The following MKRN2OS variants were observed in gnomAD, a reference collection of about 807,000 sequenced individuals.
MKRN2OS encodes the protein MKRN2 opposite strand protein.
Under a neutral mutation model 18.2 loss-of-function variants are expected in MKRN2OS, and 17 were observed. The ratio of observed to expected loss-of-function variants is 0.93; its 90% CI spans 0.64 to 1.40. The LOEUF is 1.40. Among genes scored for constraint, MKRN2OS ranks in the 40% most tolerant of loss-of-function variants. The probability of loss-of-function intolerance (pLI) is 0.00; values close to 1 mark genes in which losing one functional copy is unlikely to be tolerated. For synonymous variants in MKRN2OS, 121 were observed against 108.5 expected (o/e 1.12, Z -0.72); for missense variants, 337 against 283.0 (o/e 1.19, Z -1.37).
intron 1 of MKRN2OS, chr3:12,557,155 G>A (rs2057981655): frequency 1.3e-6 from 2 of 1,534,630 alleles, no homozygotes; most frequent in East Asian, 5.1e-5. Context: ...GCCACCATGA[G>A]CACCAAGCAG....
Position 12,543,177 on chromosome 3 carries a change from T to TA in MKRN2OS, c.268+2dup, listed in dbSNP as rs1575503530. 1.3e-6 allele frequency: 2 copies of TA among 1,535,562 alleles called. No homozygotes were observed. Among genetic ancestry groups the TA allele is most frequent in the Non-Finnish European group, 1.7e-6 (2 of 1,146,450 alleles). On this transcript the variant is annotated splice_region_variant and intron_variant, in intron 2 of 3. Coordinates refer to ENST00000564146, the MANE Select transcript of MKRN2OS (RefSeq NM_001195279.2). ...GTTTTTTAAGCTACAAAACTGCACT[T>TA]ACCATTTGTGTTAGTTATTCCAACA...
At chr3:12,559,105 T>C (rs2058012166) in intron 1 of MKRN2OS, among the ~76,000 whole-genome samples, 1 of 152,192 alleles carries the variant, frequency 6.6e-6, no homozygotes, top group African/African-American at 2.4e-5. Flanking sequence ...AGGAAACTCA[T>C]ACAAGGATAT....
At chr3:12,542,466 C>T (rs2057827722) in intron 2 of MKRN2OS, among the ~76,000 whole-genome samples, 1 of 152,160 alleles carries the variant, frequency 6.6e-6, no homozygotes, top group East Asian at 1.9e-4. Context: ...CAGAACTGTT[C>T]TGGGTTTCTG....
chr3:12,552,315 C>CA (rs561991598), downstream of MKRN2OS, among the ~76,000 whole-genome samples: 11,285 of 138,820 alleles, frequency 0.081, 476 homozygotes, highest in Non-Finnish European at 0.094. Flanking sequence ...AAGACCATCT[C>CA]AAAAAAAAAA....
chr3:12,540,442 GGA>G lies in MKRN2OS; in HGVS notation c.432-11_432-10del. 1 of 1,536,014 alleles carries G rather than the reference GGA, an allele frequency of 6.5e-7. No homozygotes were observed. The highest frequency in any genetic ancestry group is 8.7e-7 in the Non-Finnish European group (1 of 1,146,814). On this transcript the variant is annotated splice_polypyrimidine_tract_variant and intron_variant, in intron 3 of 3. Transcript: ENST00000564146. The stretch of plus-strand genomic sequence containing the variant: ...GGTGGTTGTCTTCATACCTTATGGA[GGA>G]GAATAAGGGTGTTGAGAAGAAAAGG...
At chr3:12,557,613 T>C (rs966875361) in intron 1 of MKRN2OS, among the ~76,000 whole-genome samples, 1 of 152,260 alleles carries the variant, frequency 6.6e-6, no homozygotes, top group Admixed American at 6.5e-5. Flanking sequence ...GCCTCAAAGT[T>C]TGGAGAATCC....
chr3:12,540,992 G>A (rs2057799748), intron 3 of MKRN2OS, among the ~76,000 whole-genome samples: 1 of 151,174 alleles, frequency 6.6e-6, no homozygotes, highest in Non-Finnish European at 1.5e-5. Flanking sequence ...TTACTCAGTT[G>A]CAAGTTAACT....
chr3:12,541,853 C>T lies in MKRN2OS; in HGVS notation c.431+7G>A, dbSNP rs2057818712. ...TCAGCGAGGGGGCAGCATTTGCAGTCGTGTACCTGTGAGGCAGCCAGGCCC... is the reference window on the plus strand; with the variant it reads ...TCAGCGAGGGGGCAGCATTTGCAGTTGTGTACCTGTGAGGCAGCCAGGCCC... On this transcript the variant is annotated splice_region_variant and intron_variant, in intron 3 of 3. Coordinates refer to ENST00000564146, the MANE Select transcript of MKRN2OS (RefSeq NM_001195279.2). 5.2e-6 allele frequency: 8 copies of T among 1,534,360 alleles called. No homozygotes were observed. The South Asian group carries it at 7.2e-5, about 14-fold the overall frequency.
At chr3:12,552,047 C>T (rs112961228), downstream of MKRN2OS, among the ~76,000 whole-genome samples, 41 of 151,226 alleles carry the variant, frequency 2.7e-4, no homozygotes, top group African/African-American at 9.5e-4. Context: ...AGGCTGGGCA[C>T]GGTGGCTCAC....
At position 12,540,325 on chromosome 3, in the gene MKRN2OS, C is replaced by T; in HGVS notation, c.540G>A (p.Lys180=). Residue 180 remains lysine, a synonymous_variant, in exon 4 of 4, where the codon AAG becomes AAA. Transcript: ENST00000564146. ...CCAGCCTTGTCCGCGGGACCACGTA[C>T]TTCTCCGTAAATTCACCCTTGTCCA... The part of the protein sequence containing the change: ...QQLDKGEFTE[K]YVVPRTRLAS... 1 of 1,536,148 alleles carries T rather than the reference C, an allele frequency of 6.5e-7. No homozygotes were observed. Among genetic ancestry groups the T allele is most frequent in the Non-Finnish European group, 8.7e-7 (1 of 1,146,916 alleles).
At chr3:12,558,535 A>G (rs1335804717) in intron 1 of MKRN2OS, among the ~76,000 whole-genome samples, 3 of 151,966 alleles carry the variant, frequency 2.0e-5, no homozygotes, top group African/African-American at 7.3e-5. Flanking sequence ...AAAACAGTAC[A>G]CATTTATGTA....
rs1048521452 is a variant in MKRN2OS, at chr3:12,539,998, T to C, written c.*195A>G. On this transcript the variant is annotated 3_prime_UTR_variant, in exon 4 of 4. Coordinates refer to ENST00000564146, the MANE Select transcript of MKRN2OS (RefSeq NM_001195279.2). ...CGGGGTTTCTCCATGTTGGTCAGGC[T>C]GGTCTCAAACTCCCAACCTCAGGTG... The C allele has an allele frequency of 1.5e-5, 10 of 663,734 alleles. No individual in the cohort carries two copies. The highest frequency in any genetic ancestry group is 2.9e-5 in the Admixed American group (1 of 34,342). The allele number at this position is 663,734 out of a possible 1,614,324, so 41.1% of individuals were successfully genotyped here. A position where few individuals can be genotyped will look rare whatever the true frequency, so the allele number is the denominator to read the frequency against.
At chr3:12,546,025 A>G (rs1255037549), upstream of MKRN2OS, among the ~76,000 whole-genome samples, 1 of 151,962 alleles carries the variant, frequency 6.6e-6, no homozygotes, top group Non-Finnish European at 1.5e-5. Context: ...GCCAGGCTGG[A>G]CTTGAAGAGG....
upstream of MKRN2OS, chr3:12,545,542 C>A (rs916811713): frequency 2.0e-5 from 22 of 1,113,538 alleles, no homozygotes; most frequent in African/African-American, 3.1e-4. Context: ...GAATGCACAC[C>A]GCCCCAAGGA....
chr3:12,556,018 T>C (rs888044755), intron 1 of MKRN2OS, among the ~76,000 whole-genome samples: 1 of 152,056 alleles, frequency 6.6e-6, no homozygotes. Flanking sequence ...CATGAGTGTA[T>C]GCATGTGCAA....
Position 12,540,430 on chromosome 3 carries a change from A to T in MKRN2OS, c.435T>A (p.Tyr145Ter). The change falls in exon 4 of 4, where the codon TAT becomes TAA. Residue 145 changes from tyrosine (Y) to a stop codon, truncating the protein, a stop_gained. Coordinates refer to ENST00000564146, the MANE Select transcript of MKRN2OS (RefSeq NM_001195279.2). LOFTEE classifies it low-confidence loss of function (END_TRUNC). ...STSGAWLPHR[Y>*]EDNHHNCYSY... ...AGTAGCAGTTATGGTGGTTGTCTTC[A>T]TACCTTATGGAGGAGAATAAGGGTG... 6.5e-7 allele frequency: 1 copy of T among 1,536,148 alleles called. No individual in the cohort carries two copies. Among genetic ancestry groups the T allele is most frequent in the South Asian group, 1.2e-5 (1 of 84,066 alleles).
At chr3:12,549,903 C>T (rs913133352), upstream of MKRN2OS, among the ~76,000 whole-genome samples, 20 of 152,154 alleles carry the variant, frequency 1.3e-4, no homozygotes, top group African/African-American at 4.6e-4. Flanking sequence ...TAGTGATGAA[C>T]TCTCACCTAG....
At chr3:12,548,564 G>T (rs916898933), upstream of MKRN2OS, among the ~76,000 whole-genome samples, 8 of 151,966 alleles carry the variant, frequency 5.3e-5, no homozygotes, top group Non-Finnish European at 7.4e-5. Flanking sequence ...CCCAGGAGGC[G>T]GAGGTTGCAG....
intron 1 of MKRN2OS, among the ~76,000 whole-genome samples, chr3:12,544,825 T>C (rs1255232676): frequency 1.3e-5 from 2 of 152,248 alleles, no homozygotes; most frequent in Non-Finnish European, 2.9e-5. Flanking sequence ...TAGTCTTCAG[T>C]TTAATTTGCC....
Sources: gnomAD v4.1 joint callset for allele counts (sites outside exome capture counted in the v4.1 genomes callset) on GRCh38, gnomAD v4.1.1 for gene constraint, MANE v1.5 for transcripts, NCBI Gene and HGNC (gene_info 2026-07-23, HGNC 2026-07-21) for gene names.